Variants in STX2 observed in about 807,000 individuals in gnomAD.
STX2 encodes the protein syntaxin-2.
A neutral mutation model predicts 40.6 loss-of-function variants in STX2; 27 were observed. The ratio of observed to expected loss-of-function variants is 0.66; its 90% CI spans 0.49 to 0.92. The LOEUF (loss-of-function observed/expected upper bound fraction) is 0.92, where lower values mean the gene tolerates loss of function less well. Ranked by LOEUF, STX2 falls within the 40% of genes least tolerant of loss-of-function variation. The pLI, the probability that STX2 is intolerant of heterozygous loss-of-function variation, is 0.00. For missense variants in STX2, 328 were observed against 366.1 expected, an observed-to-expected ratio of 0.90 and a Z score of 0.85; for synonymous variants, 123 against 119.1, an observed-to-expected ratio of 1.03 and a Z score of -0.22.
intron 1 of STX2, among the ~76,000 whole-genome samples, chr12:130,828,111 A>G (rs1287899125): frequency 2.0e-5 from 3 of 152,146 alleles, no homozygotes; most frequent in Admixed American, 2.0e-4. Flanking sequence ...CCATCAGAAG[A>G]CCCTAAGGAT....
intron 4 of STX2, chr12:130,810,518 A>G (rs1951609244): frequency 6.6e-6 from 1 of 152,212 alleles, no homozygotes; most frequent in Admixed American, 6.5e-5. Flanking sequence ...GAAATGGCTG[A>G]TGCCAGGCCC....
At chr12:130,806,589 C>A (rs1376060477) in intron 6 of STX2, among the ~76,000 whole-genome samples, 1 of 152,170 alleles carries the variant, frequency 6.6e-6, no homozygotes, top group Admixed American at 6.5e-5. Context: ...CCCATAGACA[C>A]CCCTGAAAAG....
intron 1 of STX2, among the ~76,000 whole-genome samples, chr12:130,827,693 T>G (rs1952377450): frequency 6.6e-6 from 1 of 152,226 alleles, no homozygotes; most frequent in African/African-American, 2.4e-5. Context: ...GGGGGCAGAA[T>G]GCTTAAGTCC....
At chr12:130,808,498 A>G (rs1049452536) in intron 5 of STX2, 133 bp downstream of exon 5, 27 of 852,004 alleles carry the variant, frequency 3.2e-5, no homozygotes, top group South Asian at 7.4e-5. Flanking sequence ...TTACAATACT[A>G]TATTATTTTT....
chr12:130,821,623 G>C (rs1952117040), intron 3 of STX2, 66 bp downstream of exon 3: 2 of 1,315,284 alleles, frequency 1.5e-6, no homozygotes, highest in East Asian at 2.3e-5. Context: ...GTTGAGGCCT[G>C]TGCCGCAGAC....
chr12:130,833,610 CCT>C (rs970415623), intron 1 of STX2, among the ~76,000 whole-genome samples: 9 of 152,226 alleles, frequency 5.9e-5, no homozygotes, highest in South Asian at 2.1e-4. Context: ...GAGGTTTCCC[CCT>C]GTTGGCCAGG....
chr12:130,804,933 G>C (rs1951372954), intron 6 of STX2, among the ~76,000 whole-genome samples: 1 of 151,610 alleles, frequency 6.6e-6, no homozygotes, highest in East Asian at 1.9e-4. Context: ...AAGAGACTTA[G>C]GCGATCTGAT....
chr12:130,818,185 A>ATATATATATAT (rs1555222352), intron 3 of STX2, among the ~76,000 whole-genome samples: 57 of 70,514 alleles, frequency 8.1e-4, no homozygotes, highest in African/African-American at 1.8e-3. Context: ...AAAAAAAAAA[A>ATATATATATAT]ATATATATAT....
At chr12:130,810,432 T>G (rs894742686) in intron 4 of STX2, among the ~76,000 whole-genome samples, 1 of 152,222 alleles carries the variant, frequency 6.6e-6, no homozygotes, top group African/African-American at 2.4e-5. Context: ...TCGTCATGTA[T>G]AGCAATACAT....
At chr12:130,818,186 ATATATATATATATATAT>A (rs1951954336) in intron 3 of STX2, among the ~76,000 whole-genome samples, 1 of 62,330 alleles carries the variant, frequency 1.6e-5, no homozygotes, top group African/African-American at 1.1e-4. Context: ...AAAAAAAAAA[ATATATATATATATATAT>A]ATATATATAT....
chr12:130,799,947 C>T (rs1478183633), intron 8 of STX2, among the ~76,000 whole-genome samples: 1 of 152,118 alleles, frequency 6.6e-6, no homozygotes. Flanking sequence ...GGATGGATTC[C>T]TATCCTTACA....
chr12:130,818,219 A>ATAT (rs1951962267), intron 3 of STX2, among the ~76,000 whole-genome samples: 1 of 101,560 alleles, frequency 9.8e-6, no homozygotes, highest in African/African-American at 5.3e-5. Context: ...TATATATATA[A>ATAT]AATTATCTGG....
At chr12:130,800,924 T>C (rs1951200468) in intron 8 of STX2, among the ~76,000 whole-genome samples, 1 of 152,256 alleles carries the variant, frequency 6.6e-6, no homozygotes, top group Non-Finnish European at 1.5e-5. Context: ...AAGGCTGACC[T>C]ATGAACACTC....
chr12:130,833,958 T>TG (rs1245529212), intron 1 of STX2, among the ~76,000 whole-genome samples: 2 of 152,088 alleles, frequency 1.3e-5, no homozygotes, highest in Middle Eastern at 3.2e-3. Context: ...GCTGAAGCAC[T>TG]GGGGGAAGGG....
intron 6 of STX2, among the ~76,000 whole-genome samples, chr12:130,803,559 C>T (rs373962640): frequency 1.7e-4 from 26 of 150,282 alleles, no homozygotes; most frequent in African/African-American, 5.9e-4. Context: ...CCCAGCTACT[C>T]GAGAGGCTGA....
chr12:130,818,679 A>G (rs1951989441), intron 3 of STX2, among the ~76,000 whole-genome samples: 1 of 144,562 alleles, frequency 6.9e-6, no homozygotes, highest in Admixed American at 6.7e-5. Context: ...GAGACGGTGC[A>G]GACGGTGCAG....
In STX2 at chr12:130,808,630, C is replaced by T; in HGVS notation, c.354+1G>A. 3 of 1,612,658 alleles carry T rather than the reference C, an allele frequency of 1.9e-6. No homozygotes were observed. Among genetic ancestry groups the T allele is most frequent in the Non-Finnish European group, 2.5e-6 (3 of 1,179,656 alleles). On this transcript the variant is annotated splice_donor_variant, in intron 5 of 10. Coordinates refer to ENST00000392373, the MANE Select transcript of STX2 (RefSeq NM_194356.4). LOFTEE classifies it high-confidence loss of function. ...TAATCTAAACGAGGCTGATAGCAAA[C>T]CTGGGTTCTTCGTATCCGAAGATCC...
rs567162775 is a variant in STX2, at chr12:130,808,614, C to T, written c.354+17G>A. 48 of 1,608,464 alleles carry T rather than the reference C, an allele frequency of 3.0e-5. No homozygotes were observed. The highest frequency in any genetic ancestry group is 1.9e-4 in the South Asian group (17 of 89,538). On this transcript the variant is annotated intron_variant, in intron 5 of 10. Coordinates refer to ENST00000392373, the MANE Select transcript of STX2 (RefSeq NM_194356.4). ...TTCTGCGACATTACTTTAATCTAAA[C>T]GAGGCTGATAGCAAACCTGGGTTCT...
chr12:130,834,181 C>T (rs1328049918), intron 1 of STX2, among the ~76,000 whole-genome samples: 3 of 151,940 alleles, frequency 2.0e-5, no homozygotes, highest in Non-Finnish European at 2.9e-5. Flanking sequence ...GTCGGGAGTT[C>T]GAGACCAGCC....
Sources: allele counts gnomAD v4.1 joint callset (sites outside exome capture counted in the v4.1 genomes callset), GRCh38; gene constraint gnomAD v4.1.1; transcripts MANE v1.5; gene names NCBI Gene and HGNC (gene_info 2026-07-23, HGNC 2026-07-21).